The following RIT2 variants were observed in gnomAD, a reference collection of about 807,000 sequenced individuals.
RIT2 encodes GTP-binding protein Rit2.
RIT2 carries 24 observed loss-of-function variants against 23.7 expected under a neutral mutation model. The observed-to-expected ratio is 1.01, with a 90% CI of 0.73 to 1.43. RIT2 has a LOEUF of 1.43. Among genes scored for constraint, RIT2 ranks in the 40% most tolerant of loss-of-function variants. The probability of loss-of-function intolerance (pLI) is 0.00; values close to 1 mark genes in which losing one functional copy is unlikely to be tolerated. For missense variants in RIT2, 236 were observed against 266.9 expected, an observed-to-expected ratio of 0.88 and a Z score of 0.81; for synonymous variants, 107 against 91.1, an observed-to-expected ratio of 1.17 and a Z score of -0.99.
At chr18:42,859,357 C>A (rs547539144) in intron 4 of RIT2, among the ~76,000 whole-genome samples, 1 of 152,060 alleles carries the variant, frequency 6.6e-6, no homozygotes, top group Non-Finnish European at 1.5e-5. Context: ...TCATCCTTGG[C>A]GAAATGATTA....
chr18:43,028,630 G>A lies in RIT2; in HGVS notation c.160+5181C>T, dbSNP rs142229707. On this transcript the variant is annotated intron_variant, in intron 2 of 4. Coordinates refer to ENST00000326695, the MANE Select transcript of RIT2 (RefSeq NM_002930.4). ...TTGATTTCCTTCAAGAGTTATACTG[G>A]AGCACTTATTCTGACTAGTAGTAAT... Among the ~76,000 whole-genome samples the A allele has an allele frequency of 4.3e-3, 647 of 151,992 alleles. 2 individuals carry two copies. Among genetic ancestry groups the A allele is most frequent in the Non-Finnish European group, 7.5e-3 (509 of 67,922 alleles).
At chr18:42,963,932 C>T (rs1189219429) in intron 3 of RIT2, among the ~76,000 whole-genome samples, 3 of 151,634 alleles carry the variant, frequency 2.0e-5, no homozygotes, top group Admixed American at 1.3e-4. Flanking sequence ...TGACTCACAC[C>T]TGTGATCCCA....
intron 3 of RIT2, among the ~76,000 whole-genome samples, chr18:42,925,952 T>C (rs1385711444): frequency 2.0e-5 from 3 of 151,788 alleles, no homozygotes; most frequent in African/African-American, 4.8e-5. Flanking sequence ...TGTACCATAA[T>C]TTATTTAGCT....
At chr18:42,858,324 T>C (rs1200409127) in intron 4 of RIT2, among the ~76,000 whole-genome samples, 2 of 152,188 alleles carry the variant, frequency 1.3e-5, no homozygotes, top group East Asian at 1.9e-4. Context: ...CTCTGGAATC[T>C]AAGAGCTCTC....
At chr18:42,806,128 TA>T (rs1905677751) in intron 4 of RIT2, among the ~76,000 whole-genome samples, 6 of 140,506 alleles carry the variant, frequency 4.3e-5, no homozygotes, top group Admixed American at 7.2e-5. Flanking sequence ...TATATATATA[TA>T]TTTTACAAAT....
intron 3 of RIT2, among the ~76,000 whole-genome samples, chr18:42,968,204 T>C (rs1046312717): frequency 1.3e-5 from 2 of 152,194 alleles, no homozygotes; most frequent in Admixed American, 6.5e-5. Flanking sequence ...GTTGGTTTTA[T>C]AGCCATGTAC....
rs539003584 is a variant in RIT2 at position 42,929,732 on chromosome 18, G to C, written c.235-5969C>G. On this transcript the variant is annotated intron_variant, in intron 3 of 4. Transcript: ENST00000326695. ...ATTAAAACAAGTGCAATGCCCTTCT[G>C]GGCTTGGGACCCTGGGCAGCTGCAG... 4.6e-5 allele frequency among the ~76,000 whole-genome samples: 7 copies of C among 152,266 alleles called. No homozygotes were observed. In the East Asian group the frequency reaches 1.4e-3, roughly 29 times the overall value.
At chr18:42,881,305 T>C (rs1907888506) in intron 4 of RIT2, among the ~76,000 whole-genome samples, 1 of 152,246 alleles carries the variant, frequency 6.6e-6, no homozygotes. Context: ...TATCTCAATT[T>C]TTATTCAATA....
intron 4 of RIT2, among the ~76,000 whole-genome samples, chr18:42,825,990 A>C (rs1906287197): frequency 6.6e-6 from 1 of 152,016 alleles, no homozygotes; most frequent in African/African-American, 2.4e-5. Context: ...GGATAGACTC[A>C]TTTGACATCT....
intron 2 of RIT2, among the ~76,000 whole-genome samples, chr18:42,978,206 C>A (rs909335113): frequency 6.6e-6 from 1 of 151,838 alleles, no homozygotes; most frequent in Admixed American, 6.6e-5. Context: ...GCACATGAAA[C>A]GTATATCAAA....
At chr18:42,924,204 G>T (rs1189200006) in intron 3 of RIT2, among the ~76,000 whole-genome samples, 1 of 152,078 alleles carries the variant, frequency 6.6e-6, no homozygotes, top group African/African-American at 2.4e-5. Context: ...GGTTTGTATA[G>T]GGGATTTGCC....
At chr18:42,866,432 G>T (rs1479324027) in intron 4 of RIT2, among the ~76,000 whole-genome samples, 5 of 151,810 alleles carry the variant, frequency 3.3e-5, no homozygotes, top group African/African-American at 9.7e-5. Flanking sequence ...TCTCCTTCTT[G>T]CAGTCTCTTA....
intron 1 of RIT2, among the ~76,000 whole-genome samples, chr18:43,068,579 G>C (rs1346763743): frequency 6.6e-6 from 1 of 152,156 alleles, no homozygotes; most frequent in Non-Finnish European, 1.5e-5. Flanking sequence ...AGAGAAGGAT[G>C]CAGTGGTCAA....
chr18:42,777,355 T>C (rs996870727), intron 4 of RIT2, among the ~76,000 whole-genome samples: 1 of 151,462 alleles, frequency 6.6e-6, no homozygotes, highest in African/African-American at 2.4e-5. Flanking sequence ...AGCATATAGA[T>C]GGCATTTAAG....
chr18:42,993,822 C>T (rs1466528365), intron 2 of RIT2, among the ~76,000 whole-genome samples: 3 of 152,088 alleles, frequency 2.0e-5, no homozygotes, highest in African/African-American at 7.2e-5. Context: ...GCACCCCTTA[C>T]CATTTCATTA....
At chr18:43,105,506 G>GGGAGGAAGGGAGGAAGAGAGGA (rs1913799709) in intron 1 of RIT2, among the ~76,000 whole-genome samples, 1 of 144,882 alleles carries the variant, frequency 6.9e-6, no homozygotes, top group African/African-American at 2.6e-5. Flanking sequence ...GAAAGGGAGG[G>GGGAGGAAGGGAGGAAGAGAGGA]AGGGAGGGAG....
chr18:42,912,699 T>A (rs914977479), intron 4 of RIT2, among the ~76,000 whole-genome samples: 3 of 151,716 alleles, frequency 2.0e-5, no homozygotes, highest in Admixed American at 2.0e-4. Flanking sequence ...CCTAAGAAAA[T>A]TACATAGGTA....
chr18:42,795,146 G>A (rs755314610), intron 4 of RIT2, among the ~76,000 whole-genome samples: 4 of 152,188 alleles, frequency 2.6e-5, no homozygotes, highest in Non-Finnish European at 2.9e-5. Context: ...CCACTTTGGC[G>A]GCACTTGAGG....
chr18:42,969,976 A>G (rs892245885), intron 3 of RIT2, among the ~76,000 whole-genome samples: 5 of 152,050 alleles, frequency 3.3e-5, no homozygotes, highest in African/African-American at 1.2e-4. Flanking sequence ...CAGAGCCTCA[A>G]TTTTATTTCA....
Sources: gnomAD v4.1 joint callset for allele counts (sites outside exome capture counted in the v4.1 genomes callset) on GRCh38, gnomAD v4.1.1 for gene constraint, MANE v1.5 for transcripts, NCBI Gene and HGNC (gene_info 2026-07-23, HGNC 2026-07-21) for gene names.